The following ECT2L variants were observed in gnomAD, a reference collection of about 807,000 sequenced individuals.
ECT2L encodes the protein epithelial cell-transforming sequence 2 oncogene-like.
Under a neutral mutation model 122.8 loss-of-function variants are expected in ECT2L, and 126 were observed. That is an observed-to-expected ratio of 1.03 (90% CI 0.89 to 1.19). ECT2L has a LOEUF of 1.19. Ranked by LOEUF, ECT2L falls within the 50% of genes most tolerant of loss-of-function variation. The pLI is 0.00. For synonymous variants in ECT2L, 385 were observed against 381.8 expected (o/e 1.01, Z -0.10); for missense variants, 1,012 against 1,064.1 (o/e 0.95, Z 0.68).
chr6:138,870,262 G>A (rs1193812830), intron 13 of ECT2L: 6 of 152,608 alleles, frequency 3.9e-5, no homozygotes, highest in African/African-American at 1.2e-4. Context: ...AGATGTTGAA[G>A]GAAATGTTAT....
intron 13 of ECT2L, among the ~76,000 whole-genome samples, chr6:138,875,386 T>C (rs1357797819): frequency 3.3e-5 from 5 of 152,332 alleles, no homozygotes; most frequent in African/African-American, 9.6e-5. Context: ...AAAGGAGCCT[T>C]GGTTACAAAT....
intron 1 of ECT2L, among the ~76,000 whole-genome samples, chr6:138,801,779 C>A (rs66754645): frequency 0.17 from 25,513 of 151,938 alleles, 2,387 homozygotes; most frequent in East Asian, 0.29. Flanking sequence ...AAAAAAAATT[C>A]TCCAGTAAGT....
chr6:138,815,071 CT>C (rs1776023547), intron 4 of ECT2L, among the ~76,000 whole-genome samples: 1 of 152,170 alleles, frequency 6.6e-6, no homozygotes, highest in African/African-American at 2.4e-5. Context: ...AGAGGGTTCT[CT>C]TTCTCTTTCT....
intron 20 of ECT2L, among the ~76,000 whole-genome samples, chr6:138,896,911 G>A (rs1416155003): frequency 2.6e-5 from 4 of 152,046 alleles, no homozygotes; most frequent in Admixed American, 6.6e-5. Flanking sequence ...CTCCCAAAGT[G>A]CTGGGATTAC....
rs1289902234 is a variant in ECT2L, at chr6:138,847,531, C to T, written c.903+854C>T. Among the ~76,000 whole-genome samples, 17 of 148,118 alleles carry T rather than the reference C, an allele frequency of 1.1e-4. No individual in the cohort carries two copies. The East Asian group carries it at 2.0e-3, about 17-fold the overall frequency. On this transcript the variant is annotated intron_variant, in intron 8 of 21. Coordinates refer to ENST00000541398, the MANE Select transcript of ECT2L (RefSeq NM_001077706.3). ...GACTACAGGCGCCCGCCACCATGCC[C>T]GGCTAATTTTTTTTTTTTTTTTTTT...
At chr6:138,876,364 G>C (rs568805749) in intron 13 of ECT2L, 108 bp from the exon 14 acceptor site, 53 of 688,002 alleles carry the variant, frequency 7.7e-5, no homozygotes, top group Non-Finnish European at 1.3e-4. Flanking sequence ...GAACACTGTG[G>C]TTGGGGCTGA....
intron 13 of ECT2L, among the ~76,000 whole-genome samples, chr6:138,873,872 C>CTG (rs57839466): frequency 0.097 from 6,904 of 71,286 alleles, 217 homozygotes; most frequent in African/African-American, 0.15. Flanking sequence ...AAATCCAGGA[C>CTG]TGTGTGTGTG....
intron 10 of ECT2L, among the ~76,000 whole-genome samples, chr6:138,860,509 T>C (rs1777786936): frequency 7.2e-6 from 1 of 138,092 alleles, no homozygotes; most frequent in Non-Finnish European, 1.7e-5. Flanking sequence ...AAAAGTGCTA[T>C]AGACATCAGT....
At chr6:138,889,781 G>A (rs1778955645) in intron 20 of ECT2L, among the ~76,000 whole-genome samples, 1 of 152,174 alleles carries the variant, frequency 6.6e-6, no homozygotes, top group South Asian at 2.1e-4. Flanking sequence ...TCAGAGTAGT[G>A]TAAGAAAAAA....
intron 9 of ECT2L, among the ~76,000 whole-genome samples, chr6:138,851,482 CTTT>C (rs56921189): frequency 5.8e-4 from 64 of 109,616 alleles, no homozygotes; most frequent in African/African-American, 1.5e-3. Flanking sequence ...TGTGCCTAGC[CTTT>C]TTTTTTTTTT....
chr6:138,813,575 A>G (rs1775970855), intron 3 of ECT2L, among the ~76,000 whole-genome samples: 1 of 152,192 alleles, frequency 6.6e-6, no homozygotes, highest in South Asian at 2.1e-4. Context: ...CAGTACCTCC[A>G]GGAACAAAAT....
intron 9 of ECT2L, among the ~76,000 whole-genome samples, chr6:138,852,090 C>T (rs1002278440): frequency 6.6e-6 from 1 of 152,084 alleles, no homozygotes; most frequent in African/African-American, 2.4e-5. Context: ...GCAGCCTGGG[C>T]AACATGGCGA....
intron 10 of ECT2L, 133 bp from the exon 11 acceptor site, chr6:138,862,494 C>T: frequency 2.6e-6 from 2 of 783,150 alleles, no homozygotes; most frequent in South Asian, 3.2e-5. Context: ...CATGATCCCT[C>T]CTGCCAGGCC....
At chr6:138,838,223 T>G in intron 4 of ECT2L, 129 bp from the exon 5 acceptor site, 16 of 961,140 alleles carry the variant, frequency 1.7e-5, no homozygotes, top group Middle Eastern at 3.5e-4. Flanking sequence ...TAAATCTAGA[T>G]TTATGTTTTG....
chr6:138,838,063 G>C (rs1188005831), intron 4 of ECT2L, among the ~76,000 whole-genome samples: 1 of 151,990 alleles, frequency 6.6e-6, no homozygotes, highest in East Asian at 1.9e-4. Flanking sequence ...ACCATACTCA[G>C]CTAATGTTTT....
At chr6:138,883,230 A>G (rs1169417554) in intron 16 of ECT2L, among the ~76,000 whole-genome samples, 1 of 152,250 alleles carries the variant, frequency 6.6e-6, no homozygotes, top group East Asian at 1.9e-4. Context: ...CATGTAGAAA[A>G]TAAATTAATC....
intron 4 of ECT2L, among the ~76,000 whole-genome samples, chr6:138,826,615 C>T (rs1390000009): frequency 3.3e-5 from 5 of 151,834 alleles, no homozygotes; most frequent in Middle Eastern, 3.2e-3. Context: ...TGCAGTGAGC[C>T]GAGATTGCAT....
chr6:138,893,959 C>A (rs756858787), intron 20 of ECT2L, among the ~76,000 whole-genome samples: 8 of 152,192 alleles, frequency 5.3e-5, no homozygotes, highest in Non-Finnish European at 1.0e-4. Context: ...GTGATAACTT[C>A]AATTCTATAA....
Position 138,896,109 on chromosome 6 carries a change from C to G in ECT2L, c.2415-4839C>G, listed in dbSNP as rs1325101382. Among the ~76,000 whole-genome samples, 36 of 121,312 alleles carry G rather than the reference C, an allele frequency of 3.0e-4. 1 individual carries two copies. Among genetic ancestry groups the G allele is most frequent in the African/African-American group, 1.5e-3 (36 of 23,378 alleles). The allele number at this position is 121,312 out of a possible 152,430, so 79.6% of individuals were successfully genotyped here. A position where few individuals can be genotyped will look rare whatever the true frequency, so the allele number is the denominator to read the frequency against. On this transcript the variant is annotated intron_variant, in intron 20 of 21. Transcript: ENST00000541398. ...ATTGCTGAATTTTTTTTTTTTTTTC[C>G]TTAATGAGATGGGGTCCTCCCATGC...
Sources: gnomAD v4.1 joint callset for allele counts (sites outside exome capture counted in the v4.1 genomes callset) on GRCh38, gnomAD v4.1.1 for gene constraint, MANE v1.5 for transcripts, NCBI Gene and HGNC (gene_info 2026-07-23, HGNC 2026-07-21) for gene names.